The following PLEKHG1 variants were observed in gnomAD, a reference collection of about 807,000 sequenced individuals.
The protein encoded by PLEKHG1 is pleckstrin homology and RhoGEF domain containing G1.
Under a neutral mutation model 100.8 loss-of-function variants are expected in PLEKHG1, and 44 were observed. That is an observed-to-expected ratio of 0.44 (90% CI 0.34 to 0.56). PLEKHG1 has a LOEUF of 0.56. Among genes scored for constraint, PLEKHG1 ranks in the 20% least tolerant of loss-of-function variants. The pLI, the probability that PLEKHG1 is intolerant of heterozygous loss-of-function variation, is 0.01. For missense variants in PLEKHG1, 1,545 were observed against 1,720.9 expected (o/e 0.90, Z 1.81); for synonymous variants, 640 against 662.5 (o/e 0.97, Z 0.52).
chr6:150,797,545 C>T (rs1210846629), intron 5 of PLEKHG1, among the ~76,000 whole-genome samples: 1 of 150,200 alleles, frequency 6.7e-6, no homozygotes, highest in African/African-American at 2.5e-5. Flanking sequence ...CTTAAAGACC[C>T]AAGAAGCGGC....
intron 3 of PLEKHG1, among the ~76,000 whole-genome samples, chr6:150,695,828 T>C (rs2128595826): frequency 6.6e-6 from 1 of 152,348 alleles, no homozygotes; most frequent in South Asian, 2.1e-4. Flanking sequence ...GCTGATATTT[T>C]CTTGTAACAA....
chr6:150,682,186 C>T (rs549975881), intron 3 of PLEKHG1, among the ~76,000 whole-genome samples: 10 of 152,200 alleles, frequency 6.6e-5, no homozygotes, highest in South Asian at 2.1e-4. Context: ...GCAGGCCCAG[C>T]GACACTCCAG....
chr6:150,786,617 T>A (rs1785637245), intron 4 of PLEKHG1, among the ~76,000 whole-genome samples, 158 bp downstream of exon 5: 1 of 152,222 alleles, frequency 6.6e-6, no homozygotes, highest in Non-Finnish European at 1.5e-5. Flanking sequence ...GTATTGTTCC[T>A]GGAGCCAGGG....
intron 2 of PLEKHG1, among the ~76,000 whole-genome samples, chr6:150,644,332 G>GGGTTTTTTTTTTTTTTT (rs1562404967): frequency 2.0e-4 from 19 of 96,556 alleles, no homozygotes; most frequent in African/African-American, 7.4e-4. Context: ...TTTTCTTTTC[G>GGGTTTTTTTTTTTTTTT]TGTTTTTTTT....
Position 150,774,531 on chromosome 6 carries a change from A to ATTTTTTT in PLEKHG1, c.512+5815_512+5821dup, listed in dbSNP as rs61521577. 1.0e-4 allele frequency among the ~76,000 whole-genome samples: 9 copies of ATTTTTTT among 87,140 alleles called. 1 individual carries two copies. The highest frequency in any genetic ancestry group is 3.0e-4 in the African/African-American group (8 of 26,570). The allele number at this position is 87,140 out of a possible 152,430, so 57.2% of individuals were successfully genotyped here. A position where few individuals can be genotyped will look rare whatever the true frequency, so the allele number is the denominator to read the frequency against. ...TCTATTTAGGCACTGATTAGTTTGA[A>ATTTTTTT]TTTTTTTTTTTTTTTTTTTTTTTTT... On this transcript the variant is annotated intron_variant, in intron 3 of 15. Coordinates refer to ENST00000358517, the Ensembl canonical transcript of PLEKHG1.
intron 3 of PLEKHG1, among the ~76,000 whole-genome samples, chr6:150,784,957 A>G (rs1291702898): frequency 2.0e-5 from 3 of 151,490 alleles, no homozygotes; most frequent in African/African-American, 4.9e-5. Flanking sequence ...TGCTCACACT[A>G]CCCAGCGCTT....
At chr6:150,775,912 G>C (rs542656300) in intron 3 of PLEKHG1, among the ~76,000 whole-genome samples, 1 of 152,156 alleles carries the variant, frequency 6.6e-6, no homozygotes, top group African/African-American at 2.4e-5. Context: ...AATTATTGGA[G>C]TAATTTCTCT....
At chr6:150,810,661 G>A (rs1156918475) in intron 10 of PLEKHG1, among the ~76,000 whole-genome samples, 1 of 151,990 alleles carries the variant, frequency 6.6e-6, no homozygotes, top group African/African-American at 2.4e-5. Flanking sequence ...GGCTCACTTT[G>A]GGAGGCACTA....
chr6:150,770,129 T>C lies in PLEKHG1; in HGVS notation c.512+1391T>C, dbSNP rs116347498. On this transcript the variant is annotated intron_variant, in intron 3 of 15. Transcript: ENST00000358517. ...CAGAGGAAGTACCAAAATATAAGCC[T>C]ACGATGCTCTTGATTTTGCGATAGT... 8.5e-3 allele frequency among the ~76,000 whole-genome samples: 1,293 copies of C among 152,316 alleles called. 20 individuals carry two copies. Among genetic ancestry groups the C allele is most frequent in the African/African-American group, 0.03 (1,233 of 41,556 alleles).
At chr6:150,833,496 A>T (rs1777069077) in intron 15 of PLEKHG1, among the ~76,000 whole-genome samples, 2 of 152,238 alleles carry the variant, frequency 1.3e-5, no homozygotes, top group Admixed American at 6.5e-5. Flanking sequence ...GTGATATTGT[A>T]GGATCAGGAC....
At chr6:150,735,578 T>G (rs1782521658) in intron 2 of PLEKHG1, among the ~76,000 whole-genome samples, 2 of 152,192 alleles carry the variant, frequency 1.3e-5, no homozygotes, top group African/African-American at 4.8e-5. Flanking sequence ...AGTCAATTGA[T>G]GGTCAACCGA....
intron 3 of PLEKHG1, among the ~76,000 whole-genome samples, chr6:150,709,036 A>G (rs905705827): frequency 6.6e-6 from 1 of 152,220 alleles, no homozygotes; most frequent in Non-Finnish European, 1.5e-5. Context: ...AAATTCTGCC[A>G]CAGAAGGAAT....
intron 2 of PLEKHG1, among the ~76,000 whole-genome samples, chr6:150,754,668 T>G (rs1200555245): frequency 6.7e-6 from 1 of 149,418 alleles, no homozygotes; most frequent in Admixed American, 6.6e-5. Flanking sequence ...GGACTTTCTT[T>G]CTTTTTTTTT....
intron 14 of PLEKHG1, among the ~76,000 whole-genome samples, chr6:150,824,826 G>A (rs1302431667): frequency 4.6e-5 from 7 of 152,244 alleles, no homozygotes; most frequent in South Asian, 2.1e-4. Flanking sequence ...CACCACACCC[G>A]GCTGAACATA....
intron 5 of PLEKHG1, among the ~76,000 whole-genome samples, chr6:150,800,199 A>G (rs1461604431): frequency 6.6e-6 from 1 of 152,152 alleles, no homozygotes; most frequent in Non-Finnish European, 1.5e-5. Context: ...AGCCTACCAC[A>G]TAGGGTCACA....
chr6:150,724,494 G>T (rs1205753384), intron 1 of PLEKHG1, among the ~76,000 whole-genome samples: 2 of 150,886 alleles, frequency 1.3e-5, no homozygotes, highest in African/African-American at 4.9e-5. Context: ...TACAACAAAA[G>T]TAAAAACAGC....
intron 4 of PLEKHG1, among the ~76,000 whole-genome samples, chr6:150,791,113 T>C (rs1256196676): frequency 6.6e-6 from 1 of 152,220 alleles, no homozygotes; most frequent in South Asian, 2.1e-4. Flanking sequence ...AGTGTGGTCT[T>C]GGACCTGCAG....
At chr6:150,641,801 T>C (rs1778271409) in intron 2 of PLEKHG1, among the ~76,000 whole-genome samples, 2 of 149,028 alleles carry the variant, frequency 1.3e-5, no homozygotes, top group South Asian at 4.2e-4. Flanking sequence ...ATAAAAACTC[T>C]GTGATATATT....
intron 10 of PLEKHG1, among the ~76,000 whole-genome samples, chr6:150,810,267 T>G (rs2128670205): frequency 6.7e-6 from 1 of 149,528 alleles, no homozygotes; most frequent in Middle Eastern, 3.4e-3. Flanking sequence ...ATCACTGCAC[T>G]CCAGCCTGGG....
Sources: gnomAD v4.1 joint callset for allele counts (sites outside exome capture counted in the v4.1 genomes callset) on GRCh38, gnomAD v4.1.1 for gene constraint, MANE v1.5 for transcripts, NCBI Gene and HGNC (gene_info 2026-07-23, HGNC 2026-07-21) for gene names.